Variants in EYS observed in about 807,000 individuals in gnomAD.
EYS encodes the protein protein eyes shut homolog.
Under a neutral mutation model 282.1 loss-of-function variants are expected in EYS, and 250 were observed. The ratio of observed to expected loss-of-function variants is 0.89; its 90% CI spans 0.80 to 0.98. The LOEUF (loss-of-function observed/expected upper bound fraction) is 0.98, where lower values mean the gene tolerates loss of function less well. Among genes scored for constraint, EYS ranks in the 50% least tolerant of loss-of-function variants. The pLI is 0.00. For missense variants in EYS, 4,016 were observed against 3,709.0 expected, an observed-to-expected ratio of 1.08 and a Z score of -2.15; for synonymous variants, 1,355 against 1,282.9, an observed-to-expected ratio of 1.06 and a Z score of -1.20.
chr6:65,453,372 T>C (rs1764477205), intron 5 of EYS, among the ~76,000 whole-genome samples: 1 of 151,952 alleles, frequency 6.6e-6, no homozygotes, highest in African/African-American at 2.4e-5. Flanking sequence ...CTCAAATTTA[T>C]TTAAAAAATA....
chr6:65,494,803 T>C lies in EYS; in HGVS notation c.608A>G (p.Gln203Arg). Residue 203 changes from glutamine (Q) to arginine (R), a missense_variant, in exon 4 of 43, where the codon CAG (glutamine) becomes CGG (arginine). By Grantham distance (43) the Gln-to-Arg change is conservative. Transcript: ENST00000503581. ...AWSKTYSCHC[Q>R]PPFSGKYCQE... ...GCAGTATTTTCCAGAAAATGGAGGCTGGCAATGGCAGCTATATGTCTTGCT... is the reference window on the plus strand; with the variant it reads ...GCAGTATTTTCCAGAAAATGGAGGCCGGCAATGGCAGCTATATGTCTTGCT... 1 of 1,614,144 alleles carries C rather than the reference T, an allele frequency of 6.2e-7. No homozygotes were observed. The highest frequency in any genetic ancestry group is 2.2e-5 in the East Asian group (1 of 44,850).
At chr6:64,917,662 C>A (rs1768208226) in intron 15 of EYS, among the ~76,000 whole-genome samples, 1 of 152,154 alleles carries the variant, frequency 6.6e-6, no homozygotes, top group South Asian at 2.1e-4. Context: ...AGATATTGTG[C>A]ACTTAAAATT....
chr6:64,048,804 G>T (rs558622651), intron 33 of EYS, among the ~76,000 whole-genome samples: 1 of 151,830 alleles, frequency 6.6e-6, no homozygotes, highest in Admixed American at 6.6e-5. Flanking sequence ...AGGAACCACA[G>T]ATTTTTTTCC....
chr6:64,011,989 T>TTCATC (rs1768656707), intron 33 of EYS, among the ~76,000 whole-genome samples: 1 of 134,494 alleles, frequency 7.4e-6, no homozygotes, highest in Non-Finnish European at 1.6e-5. Context: ...TAATAAGTTT[T>TTCATC]TCCTCTCCTC....
At chr6:64,322,722 T>C (rs1311252305) in intron 29 of EYS, among the ~76,000 whole-genome samples, 1 of 152,104 alleles carries the variant, frequency 6.6e-6, no homozygotes, top group African/African-American at 2.4e-5. Flanking sequence ...TTTGAAGCTA[T>C]GTTTCTAAAG....
chr6:65,443,047 C>A lies in EYS; in HGVS notation c.863-37680G>T, dbSNP rs963466339. ...ATACACACATATATACACAGACATA[C>A]GGGAGCATGCATATATGTGATATGT... On this transcript the variant is annotated intron_variant, in intron 5 of 42. Coordinates refer to ENST00000503581, the MANE Select transcript of EYS (RefSeq NM_001142800.2). Among the ~76,000 whole-genome samples, 7 of 147,542 alleles carry A rather than the reference C, an allele frequency of 4.7e-5. 1 individual carries two copies. The highest frequency in any genetic ancestry group is 3.0e-5 in the Non-Finnish European group (2 of 66,158).
In EYS at chr6:65,443,122, ATG is replaced by A. The variant is rs1317551909; in HGVS notation, c.863-37757_863-37756del. On this transcript the variant is annotated intron_variant, in intron 5 of 42. Transcript: ENST00000503581. ...GCATATACATATATGTGGATCATAT[ATG>A]TACACATCATACATATATGTACACA... is the stretch of plus-strand genomic sequence containing the variant. Among the ~76,000 whole-genome samples, 27 of 146,872 alleles carry A rather than the reference ATG, an allele frequency of 1.8e-4. 1 individual carries two copies. The highest frequency in any genetic ancestry group is 3.4e-3 in the Middle Eastern group (1 of 294).
At chr6:64,578,106 G>A (rs941702129) in intron 26 of EYS, among the ~76,000 whole-genome samples, 1 of 151,978 alleles carries the variant, frequency 6.6e-6, no homozygotes, top group Admixed American at 6.6e-5. Context: ...CTCCCTTTGT[G>A]TATTCCTGCC....
intron 12 of EYS, among the ~76,000 whole-genome samples, chr6:65,251,590 T>G (rs950913788): frequency 6.6e-6 from 1 of 152,058 alleles, no homozygotes; most frequent in African/African-American, 2.4e-5. Context: ...CACTCTACTA[T>G]TTCTCACTGA....
chr6:64,930,138 C>T (rs185100675), intron 15 of EYS, among the ~76,000 whole-genome samples: 40 of 152,156 alleles, frequency 2.6e-4, no homozygotes, highest in African/African-American at 8.7e-4. Context: ...AGCAATTACA[C>T]TTATAGTAAT....
intron 2 of EYS, among the ~76,000 whole-genome samples, chr6:65,548,297 T>C (rs1266653179): frequency 6.6e-6 from 1 of 152,200 alleles, no homozygotes; most frequent in Non-Finnish European, 1.5e-5. Flanking sequence ...GTTTGCTAAA[T>C]TGAAGGTAAA....
intron 26 of EYS, among the ~76,000 whole-genome samples, chr6:64,514,235 T>C (rs1279160785): frequency 2.0e-5 from 3 of 151,756 alleles, no homozygotes; most frequent in Non-Finnish European, 2.9e-5. Context: ...AGGTAAAGGT[T>C]AATTAAATAT....
chr6:65,405,198 A>G lies in EYS; in HGVS notation c.1032T>C (p.Gly344=). 6.2e-7 allele frequency: 1 copy of G among 1,612,974 alleles called. No individual in the cohort carries two copies. Among genetic ancestry groups the G allele is most frequent in the East Asian group, 2.2e-5 (1 of 44,780 alleles). ...SEFSLVPCQN[G]TDCIKISNDV... The stretch of plus-strand genomic sequence containing the variant: ...CATTTGATATTTTGATGCAGTCAGT[A>G]CCATTCTGACATGGTACTAATGAAA... The change falls in exon 6 of 43, where the codon GGT becomes GGC. Residue 344 remains glycine, a synonymous_variant. Transcript: ENST00000503581.
intron 19 of EYS, among the ~76,000 whole-genome samples, chr6:64,865,632 C>A (rs1392402960): frequency 6.6e-6 from 1 of 152,050 alleles, no homozygotes; most frequent in African/African-American, 2.4e-5. Context: ...GCAGGAAAAT[C>A]ACTGAAGGGT....
chr6:65,105,150 T>C (rs1774999355), intron 12 of EYS, among the ~76,000 whole-genome samples: 1 of 151,772 alleles, frequency 6.6e-6, no homozygotes, highest in East Asian at 1.9e-4. Flanking sequence ...ACAGGATATA[T>C]ATGAGTATGC....
chr6:64,826,101 A>G (rs1239313308), intron 19 of EYS, among the ~76,000 whole-genome samples: 1 of 151,774 alleles, frequency 6.6e-6, no homozygotes, highest in Admixed American at 6.6e-5. Flanking sequence ...GGTATTTCCT[A>G]CTGGTCATTA....
At chr6:65,127,668 TTCAGGC>T (rs1223750049) in intron 12 of EYS, among the ~76,000 whole-genome samples, 1 of 152,056 alleles carries the variant, frequency 6.6e-6, no homozygotes, top group African/African-American at 2.4e-5. Context: ...ATGAGACTTT[TTCAGGC>T]AGGCATTGAA....
intron 18 of EYS, among the ~76,000 whole-genome samples, chr6:64,889,207 C>A: frequency 6.6e-6 from 1 of 152,008 alleles, no homozygotes; most frequent in Non-Finnish European, 1.5e-5. Context: ...AAAATCATAA[C>A]ATCCCTTGTC....
chr6:64,602,279 CT>C (rs1766785634), intron 24 of EYS, among the ~76,000 whole-genome samples: 1 of 151,924 alleles, frequency 6.6e-6, no homozygotes, highest in South Asian at 2.1e-4. Context: ...ACAAAATTGC[CT>C]CTATAAATTA....
Sources: allele counts gnomAD v4.1 joint callset (sites outside exome capture counted in the v4.1 genomes callset), GRCh38; gene constraint gnomAD v4.1.1; transcripts MANE v1.5; gene names NCBI Gene and HGNC (gene_info 2026-07-23, HGNC 2026-07-21).